The following BCAR3 variants were observed in gnomAD, a reference collection of about 807,000 sequenced individuals.
The protein encoded by BCAR3 is breast cancer anti-estrogen resistance protein 3.
A neutral mutation model predicts 80.1 loss-of-function variants in BCAR3; 37 were observed. The observed-to-expected ratio is 0.46, with a 90% confidence interval of 0.36 to 0.61. The LOEUF (loss-of-function observed/expected upper bound fraction) is 0.61. Among genes scored for constraint, BCAR3 ranks in the 20% least tolerant of loss-of-function variants. The pLI, the probability that BCAR3 is intolerant of heterozygous loss-of-function variation, is 0.00. For missense variants in BCAR3, 978 were observed against 1,068.2 expected, an observed-to-expected ratio of 0.92 and a Z score of 1.18; for synonymous variants, 389 against 418.9, an observed-to-expected ratio of 0.93 and a Z score of 0.87.
intron 2 of BCAR3, among the ~76,000 whole-genome samples, chr1:93,840,332 C>T (rs12122176): frequency 0.13 from 19,605 of 152,108 alleles, 1,906 homozygotes; most frequent in African/African-American, 0.26. Context: ...GGGAATGGGG[C>T]AATGATCCTG....
intron 3 of BCAR3, among the ~76,000 whole-genome samples, chr1:93,688,590 T>TA (rs1649054424): frequency 6.6e-6 from 1 of 152,054 alleles, no homozygotes; most frequent in Admixed American, 6.6e-5. Flanking sequence ...TGTTTTTTTT[T>TA]ACATTACTTA....
chr1:93,622,533 G>A (rs1675344461), intron 3 of BCAR3, among the ~76,000 whole-genome samples: 1 of 152,218 alleles, frequency 6.6e-6, no homozygotes, highest in Non-Finnish European at 1.5e-5. Flanking sequence ...AAAGGAAAGT[G>A]CAGGGCTGGG....
At chr1:93,568,028 A>T (rs1019400265) in intron 9 of BCAR3, 177 bp from the exon 10 acceptor site, 1 of 506,936 alleles carries the variant, frequency 2.0e-6, no homozygotes, top group African/African-American at 1.9e-5. Flanking sequence ...CTCTACTCAA[A>T]TACAAAAATT....
intron 2 of BCAR3, among the ~76,000 whole-genome samples, chr1:93,721,173 G>A (rs1175183993): frequency 6.6e-6 from 1 of 152,164 alleles, no homozygotes; most frequent in African/African-American, 2.4e-5. Flanking sequence ...TTCCTCTGAA[G>A]TCAGCATGGC....
chr1:93,840,390 T>C (rs1382500640), intron 2 of BCAR3, among the ~76,000 whole-genome samples: 2 of 152,218 alleles, frequency 1.3e-5, no homozygotes, highest in African/African-American at 4.8e-5. Flanking sequence ...CTGATATACA[T>C]GAAGAACCCA....
intron 2 of BCAR3, among the ~76,000 whole-genome samples, chr1:93,737,816 C>T (rs1003056938): frequency 1.3e-4 from 20 of 151,950 alleles, no homozygotes; most frequent in African/African-American, 4.4e-4. Flanking sequence ...TGAAACTGTG[C>T]AACAATAAAG....
chr1:93,643,813 CTA>C lies in BCAR3; in HGVS notation c.318-1472_318-1471del, dbSNP rs139430875. Among the ~76,000 whole-genome samples, 246 of 152,196 alleles carry C rather than the reference CTA, an allele frequency of 1.6e-3. 1 individual carries two copies. Among genetic ancestry groups the C allele is most frequent in the African/African-American group, 5.8e-3 (240 of 41,534 alleles). ...GCCACAAAAACAAAAAAGTGGATAA[CTA>C]TGTGAGATGATGAATATGTTAATTT... On this transcript the variant is annotated intron_variant, in intron 2 of 11. Coordinates refer to ENST00000260502, the MANE Select transcript of BCAR3 (RefSeq NM_003567.4).
At chr1:93,620,970 T>C (rs963111101) in intron 3 of BCAR3, among the ~76,000 whole-genome samples, 2 of 152,196 alleles carry the variant, frequency 1.3e-5, no homozygotes, top group Non-Finnish European at 2.9e-5. Context: ...AAGCCACACA[T>C]CCCTATCTCC....
At chr1:93,732,649 A>G (rs1157723316) in intron 2 of BCAR3, among the ~76,000 whole-genome samples, 1 of 152,164 alleles carries the variant, frequency 6.6e-6, no homozygotes, top group Non-Finnish European at 1.5e-5. Flanking sequence ...AGAAAAAGAA[A>G]AGAAAAGGAA....
chr1:93,565,078 C>T (rs1430866204), intron 11 of BCAR3, among the ~76,000 whole-genome samples: 1 of 151,780 alleles, frequency 6.6e-6, no homozygotes, highest in Non-Finnish European at 1.5e-5. Flanking sequence ...TGGTGGATAA[C>T]CAACCAAAGG....
intron 11 of BCAR3, among the ~76,000 whole-genome samples, chr1:93,562,695 C>T (rs138188632): frequency 0.01 from 1,497 of 145,972 alleles, 36 homozygotes; most frequent in African/African-American, 0.037. Flanking sequence ...GGCGTGAACC[C>T]GGGAGGTGGA....
chr1:93,842,885 C>T (rs77125652), intron 2 of BCAR3, among the ~76,000 whole-genome samples: 4,047 of 152,278 alleles, frequency 0.027, 77 homozygotes, highest in Non-Finnish European at 0.036. Context: ...TTTCCTTCCC[C>T]TGTTCCTGCC....
chr1:93,846,197 CT>C (rs1243756476), intron 1 of BCAR3, among the ~76,000 whole-genome samples: 2 of 152,314 alleles, frequency 1.3e-5, no homozygotes, highest in African/African-American at 4.8e-5. Flanking sequence ...CAGGACTTCC[CT>C]TTCCCTCTTT....
intron 2 of BCAR3, among the ~76,000 whole-genome samples, chr1:93,730,489 C>G (rs1422685673): frequency 6.6e-6 from 1 of 152,218 alleles, no homozygotes; most frequent in Non-Finnish European, 1.5e-5. Context: ...CATTTGTGGT[C>G]CCTTGCTAAA....
At chr1:93,602,147 C>G (rs1388383561) in intron 3 of BCAR3, 1 of 151,942 alleles carries the variant, frequency 6.6e-6, no homozygotes, top group Non-Finnish European at 1.5e-5. Context: ...GGGTCTTGCT[C>G]TGTCTCCCAG....
At chr1:93,763,403 C>T (rs1431216425) in intron 2 of BCAR3, among the ~76,000 whole-genome samples, 1 of 152,188 alleles carries the variant, frequency 6.6e-6, no homozygotes, top group Non-Finnish European at 1.5e-5. Flanking sequence ...ATGCTAGGCT[C>T]TGTTCTAAGT....
chr1:93,639,914 C>T (rs1032946547), intron 3 of BCAR3, among the ~76,000 whole-genome samples: 7 of 152,082 alleles, frequency 4.6e-5, no homozygotes, highest in African/African-American at 1.7e-4. Context: ...TAAGACTCCC[C>T]CTATTCTGGA....
intron 3 of BCAR3, among the ~76,000 whole-genome samples, chr1:93,614,613 C>G (rs550912542): frequency 3.3e-4 from 50 of 152,236 alleles, no homozygotes; most frequent in Non-Finnish European, 1.8e-4. Flanking sequence ...CAGCTGATAA[C>G]GTTGGCACAG....
At chr1:93,835,931 T>C (rs900082119) in intron 2 of BCAR3, among the ~76,000 whole-genome samples, 1 of 152,220 alleles carries the variant, frequency 6.6e-6, no homozygotes, top group African/African-American at 2.4e-5. Flanking sequence ...TTCCCACCTC[T>C]ATACAGTCCG....
Sources: allele counts gnomAD v4.1 joint callset (sites outside exome capture counted in the v4.1 genomes callset), GRCh38; gene constraint gnomAD v4.1.1; transcripts MANE v1.5; gene names NCBI Gene and HGNC (gene_info 2026-07-23, HGNC 2026-07-21).